The following WAPL variants were observed in gnomAD, a reference collection of about 807,000 sequenced individuals.
WAPL encodes WAPL cohesin release factor.
Under a neutral mutation model 121.0 loss-of-function variants are expected in WAPL, and 5 were observed. The ratio of observed to expected loss-of-function variants is 0.04; its 90% CI spans 0.02 to 0.09. The LOEUF is 0.09. Among genes scored for constraint, WAPL ranks in the 10% least tolerant of loss-of-function variants. WAPL has a pLI of 1.00. For missense variants in WAPL, 999 were observed against 1,410.8 expected, an observed-to-expected ratio of 0.71 and a Z score of 4.68; for synonymous variants, 480 against 481.5, an observed-to-expected ratio of 1.00 and a Z score of 0.04.
chr10:86,494,173 T>A (rs1842105324), intron 4 of WAPL, among the ~76,000 whole-genome samples: 1 of 152,180 alleles, frequency 6.6e-6, no homozygotes, highest in Non-Finnish European at 1.5e-5. Context: ...CAGTTTCACT[T>A]AAAGCCCTTA....
intron 5 of WAPL, among the ~76,000 whole-genome samples, chr10:86,473,652 T>C (rs1841585869): frequency 6.6e-6 from 1 of 152,216 alleles, no homozygotes; most frequent in East Asian, 1.9e-4. Flanking sequence ...GCCTTATTTT[T>C]TATGGCTTTC....
At position 86,436,283 on chromosome 10, in the gene WAPL, T is replaced by A. The variant is rs1328447035; in HGVS notation, c.*1260A>T. On this transcript the variant is annotated 3_prime_UTR_variant, in exon 19 of 19. Transcript: ENST00000298767. ...CTAATATTTTTATGGCTTCAAGTTTTACAAATCCAATGAAGAAACATGATG... is the reference window on the plus strand; with the variant it reads ...CTAATATTTTTATGGCTTCAAGTTTAACAAATCCAATGAAGAAACATGATG... 1.3e-5 allele frequency: 2 copies of A among 152,562 alleles called. No homozygotes were observed. Among genetic ancestry groups the A allele is most frequent in the Non-Finnish European group, 1.5e-5 (1 of 68,028 alleles). 9.5% of individuals were successfully genotyped at this position (152,562 alleles called of 1,614,324 possible).
chr10:86,494,930 T>C (rs1213907287), intron 4 of WAPL, among the ~76,000 whole-genome samples: 4 of 152,180 alleles, frequency 2.6e-5, no homozygotes, highest in African/African-American at 4.8e-5. Flanking sequence ...TACAGTTTTC[T>C]AGAAATTCAA....
At chr10:86,503,490 T>G (rs1052131770) in intron 2 of WAPL, among the ~76,000 whole-genome samples, 1 of 151,548 alleles carries the variant, frequency 6.6e-6, no homozygotes, top group African/African-American at 2.4e-5. Flanking sequence ...TGGTGGCTCA[T>G]GCCTGTAATC....
intron 4 of WAPL, among the ~76,000 whole-genome samples, chr10:86,488,162 T>C (rs184913210): frequency 3.3e-5 from 5 of 152,306 alleles, no homozygotes; most frequent in African/African-American, 4.8e-5. Context: ...ATTGGAAATA[T>C]TAGTGTGAAC....
chr10:86,504,015 CA>C (rs987878788), intron 2 of WAPL, among the ~76,000 whole-genome samples: 1 of 149,004 alleles, frequency 6.7e-6, no homozygotes, highest in African/African-American at 2.5e-5. Context: ...ACTAAAAAGA[CA>C]AAAAAAACCC....
At chr10:86,481,631 C>A (rs1454552675) in intron 4 of WAPL, among the ~76,000 whole-genome samples, 1 of 151,946 alleles carries the variant, frequency 6.6e-6, no homozygotes, top group Non-Finnish European at 1.5e-5. Flanking sequence ...CTTTGGCATC[C>A]CAAAGAGCTG....
In WAPL at chr10:86,521,472, G is replaced by A. The variant is rs571171766; in HGVS notation, c.-130C>T. 2 of 329,364 alleles carry A rather than the reference G, an allele frequency of 6.1e-6. No individual in the cohort carries two copies. Among genetic ancestry groups the A allele is most frequent in the Non-Finnish European group, 1.2e-5 (2 of 163,578 alleles). 20.4% of individuals were successfully genotyped at this position (329,364 alleles called of 1,614,324 possible). A position where few individuals can be genotyped will look rare whatever the true frequency, so the allele number is the denominator to read the frequency against. On this transcript the variant is annotated 5_prime_UTR_variant, in exon 1 of 19. Transcript: ENST00000298767. ...TCGCGCGGGAGAGCAGGGCCGGCAG[G>A]TGAGAGCCGAGAGAGGCGAGGGACT...
At position 86,517,585 on chromosome 10, in the gene WAPL, T is replaced by G; in HGVS notation, c.485A>C (p.Lys162Thr). 1.2e-6 allele frequency: 2 copies of G among 1,606,824 alleles called. No individual in the cohort carries two copies. Among genetic ancestry groups the G allele is most frequent in the Non-Finnish European group, 1.7e-6 (2 of 1,175,520 alleles). ...EDDASISSCN[K>T]LITSDKVENF... is the part of the protein sequence containing the mutation. ...TCAAAACTTACCTGAAGTTATTAATTTATTACAGCTACTTATGCTTGCATC... is the reference window on the plus strand; with the variant it reads ...TCAAAACTTACCTGAAGTTATTAATGTATTACAGCTACTTATGCTTGCATC... Residue 162 changes from lysine (K) to threonine (T), a missense_variant, in exon 2 of 19, where the codon AAA (lysine) becomes ACA (threonine). Lys to Thr is a moderately conservative substitution (Grantham distance 78). Transcript: ENST00000298767.
intron 8 of WAPL, 55 bp from the exon 9 acceptor site, chr10:86,467,561 C>G: frequency 1.6e-6 from 2 of 1,276,912 alleles, no homozygotes; most frequent in Non-Finnish European, 2.2e-6. Context: ...CAACTCCTGA[C>G]ATCTCAGGAA....
intron 4 of WAPL, among the ~76,000 whole-genome samples, chr10:86,486,830 C>T (rs549332329): frequency 2.0e-5 from 3 of 152,166 alleles, no homozygotes; most frequent in South Asian, 4.2e-4. Context: ...GTGGCGTGTG[C>T]CTATAGTCCC....
At chr10:86,510,513 C>T (rs1842442201) in intron 2 of WAPL, among the ~76,000 whole-genome samples, 1 of 152,170 alleles carries the variant, frequency 6.6e-6, no homozygotes, top group Non-Finnish European at 1.5e-5. Context: ...AGTACAGAGG[C>T]TATGTTTATA....
At position 86,507,214 on chromosome 10, in the gene WAPL, A is replaced by C. The variant is rs544375560; in HGVS notation, c.500-6471T>G. Among the ~76,000 whole-genome samples, 7 of 151,754 alleles carry C rather than the reference A, an allele frequency of 4.6e-5. No homozygotes were observed. In the East Asian group the frequency reaches 1.4e-3, roughly 30 times the overall value. ...GAAACCCCGTCTCTACCAAAAATAC[A>C]AAAATTAGCCAGGTGTGGTGACAGG... On this transcript the variant is annotated intron_variant, in intron 2 of 18. Transcript: ENST00000298767.
chr10:86,444,068 G>C (rs1303527503), intron 16 of WAPL: 1 of 152,190 alleles, frequency 6.6e-6, no homozygotes, highest in Non-Finnish European at 1.5e-5. Context: ...AAGACTTAGA[G>C]ATTTCTTCAA....
chr10:86,497,378 C>G lies in WAPL; in HGVS notation c.1526-59G>C, dbSNP rs1318909595. 3 of 1,250,006 alleles carry G rather than the reference C, an allele frequency of 2.4e-6. No homozygotes were observed. In the East Asian group the frequency reaches 7.0e-5, roughly 29 times the overall value. 77.4% of individuals were successfully genotyped at this position (1,250,006 alleles called of 1,614,324 possible). ...ATATTTCAAATTACCTACCAGACAA[C>G]CTATCAAGATTATATATACATGAAT... is the stretch of plus-strand genomic sequence containing the variant. On this transcript the variant is annotated intron_variant, in intron 3 of 18. Transcript: ENST00000298767.
At chr10:86,488,375 T>C (rs1159301801) in intron 4 of WAPL, 1 of 152,224 alleles carries the variant, frequency 6.6e-6, no homozygotes, top group African/African-American at 2.4e-5. Context: ...ACAGGAATCC[T>C]TGAAGAAATG....
chr10:86,489,170 G>T (rs1254353788), intron 4 of WAPL, among the ~76,000 whole-genome samples: 1 of 152,266 alleles, frequency 6.6e-6, no homozygotes, highest in East Asian at 1.9e-4. Flanking sequence ...GAAAAGACCA[G>T]GAAACACAGA....
rs530937298 is a variant in WAPL, at chr10:86,512,631, G to C, written c.499+4940C>G. On this transcript the variant is annotated intron_variant, in intron 2 of 18. Coordinates refer to ENST00000298767, the MANE Select transcript of WAPL (RefSeq NM_015045.5). ...ACAGTCATTTTTAATTGGCACACCTGGCTGAGAACTGACTGGCTTTAATAG... is the reference window on the plus strand; with the variant it reads ...ACAGTCATTTTTAATTGGCACACCTCGCTGAGAACTGACTGGCTTTAATAG... Among the ~76,000 whole-genome samples the C allele has an allele frequency of 4.6e-5, 7 of 152,324 alleles. No individual in the cohort carries two copies. In the South Asian group the frequency reaches 1.5e-3, roughly 32 times the overall value.
intron 8 of WAPL, among the ~76,000 whole-genome samples, chr10:86,468,967 G>A (rs1841466008): frequency 6.6e-6 from 1 of 151,940 alleles, no homozygotes; most frequent in African/African-American, 2.4e-5. Flanking sequence ...AGCTGGGCAT[G>A]GTGACGCACC....
Sources: gnomAD v4.1 joint callset for allele counts (sites outside exome capture counted in the v4.1 genomes callset) on GRCh38, gnomAD v4.1.1 for gene constraint, MANE v1.5 for transcripts, NCBI Gene and HGNC (gene_info 2026-07-23, HGNC 2026-07-21) for gene names.